The following FMO1 variants were observed in gnomAD, a reference collection of about 807,000 sequenced individuals.
FMO1 encodes the protein flavin-containing monooxygenase 1.
In FMO1, 36 loss-of-function variants were observed where a neutral mutation model predicts 45.4. The observed-to-expected ratio is 0.79, with a 90% CI of 0.61 to 1.05. The LOEUF (loss-of-function observed/expected upper bound fraction) is 1.05. FMO1 is among the 50% of genes least tolerant of loss of function. FMO1 has a pLI of 0.00. For synonymous variants in FMO1, 228 were observed against 227.2 expected, an observed-to-expected ratio of 1.00 and a Z score of -0.03; for missense variants, 615 against 640.3, an observed-to-expected ratio of 0.96 and a Z score of 0.43.
chr1:171,259,968 G>A (rs1660310092), intron 2 of FMO1, among the ~76,000 whole-genome samples: 1 of 152,196 alleles, frequency 6.6e-6, no homozygotes, highest in African/African-American at 2.4e-5. Context: ...TTCATTGAGA[G>A]CAGGATGACA....
intron 3 of FMO1, among the ~76,000 whole-genome samples, chr1:171,273,416 T>C (rs978721605): frequency 5.9e-5 from 9 of 152,258 alleles, no homozygotes; most frequent in Non-Finnish European, 1.3e-4. Flanking sequence ...ATTATCATAA[T>C]GAATATATAC....
intron 3 of FMO1, among the ~76,000 whole-genome samples, chr1:171,269,362 A>G (rs1381099563): frequency 6.6e-6 from 1 of 152,198 alleles, no homozygotes; most frequent in Non-Finnish European, 1.5e-5. Flanking sequence ...AGTGATATGA[A>G]CAATAAAGTC....
rs149424503 is a variant in FMO1, at chr1:171,266,703, T to C, written c.133-840T>C. On this transcript the variant is annotated intron_variant, in intron 2 of 8. Transcript: ENST00000617670. The stretch of plus-strand genomic sequence containing the variant: ...TCATGTTTCTACTTGTTCACATAAA[T>C]TAAATAATTTTTATTTCACAGGAAA... Among the ~76,000 whole-genome samples the C allele has an allele frequency of 7.2e-5, 11 of 152,342 alleles. No homozygotes were observed. In the East Asian group the frequency reaches 2.1e-3, roughly 29 times the overall value.
chr1:171,263,680 A>C (rs1225567251), intron 2 of FMO1, among the ~76,000 whole-genome samples: 2 of 152,068 alleles, frequency 1.3e-5, no homozygotes, highest in African/African-American at 4.8e-5. Context: ...GAAAACAAAA[A>C]TCTTCTCCTA....
At chr1:171,270,144 A>G (rs1403322443) in intron 3 of FMO1, among the ~76,000 whole-genome samples, 4 of 152,212 alleles carry the variant, frequency 2.6e-5, no homozygotes, top group Non-Finnish European at 5.9e-5. Flanking sequence ...GTCCTCATGT[A>G]AAAATTACAA....
intron 2 of FMO1, among the ~76,000 whole-genome samples, chr1:171,264,791 C>T (rs1158418073): frequency 6.6e-6 from 1 of 151,868 alleles, no homozygotes; most frequent in Non-Finnish European, 1.5e-5. Flanking sequence ...CCCAACTACT[C>T]GGGAGGCCGA....
chr1:171,268,996 C>G (rs1660736747), intron 3 of FMO1, among the ~76,000 whole-genome samples: 1 of 152,160 alleles, frequency 6.6e-6, no homozygotes. Context: ...TGCACAAGCT[C>G]TCTCTCTGCT....
At chr1:171,284,724 C>A (rs1661544632) in intron 8 of FMO1, among the ~76,000 whole-genome samples, 1 of 133,716 alleles carries the variant, frequency 7.5e-6, no homozygotes, top group Non-Finnish European at 1.6e-5. Context: ...AGAGCAAGAC[C>A]TTGTAAAAAA....
At chr1:171,262,057 C>A (rs937076574) in intron 2 of FMO1, among the ~76,000 whole-genome samples, 1 of 152,142 alleles carries the variant, frequency 6.6e-6, no homozygotes, top group African/African-American at 2.4e-5. Flanking sequence ...AAAAGTGATA[C>A]TTGAAACAAA....
intron 3 of FMO1, among the ~76,000 whole-genome samples, chr1:171,274,546 C>T (rs973132197): frequency 6.6e-6 from 1 of 152,020 alleles, no homozygotes; most frequent in Non-Finnish European, 1.5e-5. Flanking sequence ...TGAAAATTTA[C>T]TTTTAGAAAA....
At chr1:171,251,065 A>T (rs763068563) in intron 1 of FMO1, among the ~76,000 whole-genome samples, 1 of 152,222 alleles carries the variant, frequency 6.6e-6, no homozygotes, top group Non-Finnish European at 1.5e-5. Flanking sequence ...AGTAGTAACA[A>T]AGGAAGGCAG....
chr1:171,279,075 C>G (rs1271156544), intron 5 of FMO1, among the ~76,000 whole-genome samples: 1 of 150,526 alleles, frequency 6.6e-6, no homozygotes, highest in Non-Finnish European at 1.5e-5. Flanking sequence ...ACCAACTTCT[C>G]TGACTTCTTT....
At chr1:171,260,555 C>T (rs1363357653) in intron 2 of FMO1, among the ~76,000 whole-genome samples, 2 of 151,946 alleles carry the variant, frequency 1.3e-5, no homozygotes, top group African/African-American at 4.8e-5. Context: ...CACCAGAGGC[C>T]CTCAATTCTA....
At chr1:171,281,937 G>A in intron 6 of FMO1, 41 bp from the exon 7 acceptor site, 1 of 1,229,968 alleles carries the variant, frequency 8.1e-7, no homozygotes, top group Non-Finnish European at 1.1e-6. Flanking sequence ...TGGCTGAATT[G>A]TTCACTGACA....
At chr1:171,279,089 C>CT (rs35698046) in intron 5 of FMO1, among the ~76,000 whole-genome samples, 31,190 of 137,704 alleles carry the variant, frequency 0.23, 4,777 homozygotes, top group African/African-American at 0.44. Flanking sequence ...CTTCTTTTTA[C>CT]TTTTTTTTTT....
At chr1:171,264,263 G>T (rs1270572038) in intron 2 of FMO1, among the ~76,000 whole-genome samples, 1 of 151,124 alleles carries the variant, frequency 6.6e-6, no homozygotes, top group African/African-American at 2.4e-5. Context: ...CAGTTCCAAT[G>T]AATTGCTGAT....
Position 171,278,728 on chromosome 1 carries a change from G to A in FMO1, c.485-1G>A. The A allele has an allele frequency of 1.3e-6, 2 of 1,566,832 alleles. No individual in the cohort carries two copies. The highest frequency in any genetic ancestry group is 1.2e-5 in the South Asian group (1 of 84,000). On this transcript the variant is annotated splice_acceptor_variant, in intron 4 of 8. Coordinates refer to ENST00000617670, the MANE Select transcript of FMO1 (RefSeq NM_001282693.2). LOFTEE classifies it high-confidence loss of function. ...TGTGACTTCTCTTTTATTTTCTATAGGTATTAATGCCTTTAAAGGCCAGTA... is the reference window on the plus strand; with the variant it reads ...TGTGACTTCTCTTTTATTTTCTATAAGTATTAATGCCTTTAAAGGCCAGTA...
In FMO1 at chr1:171,262,328, A is replaced by G. The variant is rs981456070; in HGVS notation, c.132+4109A>G. 2.6e-5 allele frequency among the ~76,000 whole-genome samples: 4 copies of G among 152,132 alleles called. No individual in the cohort carries two copies. The East Asian group carries it at 7.7e-4, about 29-fold the overall frequency. On this transcript the variant is annotated intron_variant, in intron 2 of 8. Coordinates refer to ENST00000617670, the MANE Select transcript of FMO1 (RefSeq NM_001282693.2). The stretch of plus-strand genomic sequence containing the variant: ...CGTGCGCCTGTAATCCCAGCTACCC[A>G]GTCTTCAGGTAAAAGCACACAGACA...
At chr1:171,251,064 A>G (rs1056673943) in intron 1 of FMO1, among the ~76,000 whole-genome samples, 1 of 152,222 alleles carries the variant, frequency 6.6e-6, no homozygotes, top group Non-Finnish European at 1.5e-5. Context: ...AAGTAGTAAC[A>G]AAGGAAGGCA....
Sources: gnomAD v4.1 joint callset for allele counts (sites outside exome capture counted in the v4.1 genomes callset) on GRCh38, gnomAD v4.1.1 for gene constraint, MANE v1.5 for transcripts, NCBI Gene and HGNC (gene_info 2026-07-23, HGNC 2026-07-21) for gene names.